Variants in ETF1 observed in about 807,000 individuals in gnomAD.
ETF1 encodes the protein eukaryotic translation termination factor 1, also known as eukaryotic peptide chain release factor subunit 1.
Under a neutral mutation model 55.1 loss-of-function variants are expected in ETF1, and 4 were observed. The ratio of observed to expected loss-of-function variants is 0.07; its 90% CI spans 0.04 to 0.17. The LOEUF (loss-of-function observed/expected upper bound fraction) is 0.17, where lower values mean the gene tolerates loss of function less well. ETF1 is among the 10% of genes least tolerant of loss of function. The pLI is 1.00. For missense variants in ETF1, 142 were observed against 523.6 expected, an observed-to-expected ratio of 0.27 and a Z score of 7.11; for synonymous variants, 157 against 182.3, an observed-to-expected ratio of 0.86 and a Z score of 1.12.
intron 2 of ETF1, chr5:138,541,787 A>T (rs944955765): frequency 3.2e-6 from 2 of 624,458 alleles, no homozygotes; most frequent in Admixed American, 7.6e-5. Context: ...CACTTCCTGT[A>T]AGTAAAAAGT....
chr5:138,537,658 G>A (rs994759914), intron 2 of ETF1, among the ~76,000 whole-genome samples: 1 of 151,932 alleles, frequency 6.6e-6, no homozygotes, highest in Non-Finnish European at 1.5e-5. Context: ...CGCAATCTCG[G>A]CTCACTGCAA....
chr5:138,513,942 T>C (rs1320374317), intron 4 of ETF1: 7 of 905,714 alleles, frequency 7.7e-6, no homozygotes, highest in African/African-American at 1.8e-5. Context: ...TTCAACACAT[T>C]TGACATGGGC....
chr5:138,509,499 C>T (rs534139196), intron 9 of ETF1, among the ~76,000 whole-genome samples: 2 of 152,244 alleles, frequency 1.3e-5, no homozygotes, highest in African/African-American at 2.4e-5. Context: ...TGGTGGGTCA[C>T]GTCTGTAATC....
At chr5:138,535,874 CAAAAAAAAAAAAAAA>C (rs35261297) in intron 2 of ETF1, among the ~76,000 whole-genome samples, 1 of 57,836 alleles carries the variant, frequency 1.7e-5, no homozygotes, top group Non-Finnish European at 2.8e-5. Flanking sequence ...GACTCCGCCT[CAAAAAAAAAAAAAAA>C]AAAAAAAAAA....
At chr5:138,521,378 G>C (rs1765225534) in intron 2 of ETF1, among the ~76,000 whole-genome samples, 1 of 152,144 alleles carries the variant, frequency 6.6e-6, no homozygotes, top group African/African-American at 2.4e-5. Context: ...AAGACGAAAA[G>C]TCCTAGAGAC....
chr5:138,526,917 T>G lies in ETF1; in HGVS notation c.87-8050A>C, dbSNP rs573564762. The stretch of plus-strand genomic sequence containing the variant: ...GGGTTTCACCATGTTAGCCAGGATG[T>G]TCTCGATCTCCCGACCTTGTGATCC... On this transcript the variant is annotated intron_variant, in intron 2 of 10. Coordinates refer to ENST00000360541, the MANE Select transcript of ETF1 (RefSeq NM_004730.4). Among the ~76,000 whole-genome samples the G allele has an allele frequency of 1.8e-4, 28 of 152,180 alleles. No homozygotes were observed. The South Asian group carries it at 5.0e-3, about 27-fold the overall frequency.
chr5:138,534,576 G>T (rs953646887), intron 2 of ETF1, among the ~76,000 whole-genome samples: 2 of 152,224 alleles, frequency 1.3e-5, no homozygotes, highest in African/African-American at 4.8e-5. Context: ...TCTTCCTAGG[G>T]TGGAAATAGC....
rs137883131 is a variant in ETF1 at position 138,539,224 on chromosome 5, T to A, written c.86+3609A>T. ...TCCATTCCTTTGTCACATTCACCACTGTCCCTGGCTAGCACAGGCTCTAGT... is the reference window on the plus strand; with the variant it reads ...TCCATTCCTTTGTCACATTCACCACAGTCCCTGGCTAGCACAGGCTCTAGT... On this transcript the variant is annotated intron_variant, in intron 2 of 10. Coordinates refer to ENST00000360541, the MANE Select transcript of ETF1 (RefSeq NM_004730.4). 5.7e-3 allele frequency among the ~76,000 whole-genome samples: 861 copies of A among 152,354 alleles called. 7 individuals are homozygous for A. Among genetic ancestry groups the A allele is most frequent in the African/African-American group, 0.019 (803 of 41,584 alleles).
intron 2 of ETF1, among the ~76,000 whole-genome samples, chr5:138,540,172 A>C (rs1033009725): frequency 2.0e-5 from 3 of 152,202 alleles, no homozygotes; most frequent in African/African-American, 7.2e-5. Context: ...ATATTTTAAT[A>C]ACTACTGTTA....
At position 138,511,619 on chromosome 5, in the gene ETF1, A is replaced by G; in HGVS notation, c.733-15T>C. On this transcript the variant is annotated splice_polypyrimidine_tract_variant and intron_variant, in intron 6 of 10. Coordinates refer to ENST00000360541, the MANE Select transcript of ETF1 (RefSeq NM_004730.4). ...GATTGTAACCTCTAACACACAAAAA[A>G]AATATTATTAGTACTTACTGGTACT... is the stretch of plus-strand genomic sequence containing the variant. The G allele has an allele frequency of 1.9e-6, 3 of 1,591,036 alleles. No homozygotes were observed.
intron 5 of ETF1, 140 bp downstream of exon 5, chr5:138,513,428 A>T (rs1764894846): frequency 1.2e-6 from 1 of 807,550 alleles, no homozygotes; most frequent in African/African-American, 1.7e-5. Context: ...CTGGTCTCGA[A>T]CTTCTGACTT....
chr5:138,523,518 G>A (rs1033930762), intron 2 of ETF1, among the ~76,000 whole-genome samples: 2 of 152,116 alleles, frequency 1.3e-5, no homozygotes, highest in Non-Finnish European at 2.9e-5. Flanking sequence ...TGACAACAGA[G>A]TGAAACTGTC....
intron 2 of ETF1, among the ~76,000 whole-genome samples, chr5:138,530,340 G>C (rs1016078667): frequency 6.6e-6 from 1 of 152,078 alleles, no homozygotes; most frequent in African/African-American, 2.4e-5. Flanking sequence ...GTGCAGTGGT[G>C]TGATCTCGGC....
intron 2 of ETF1, among the ~76,000 whole-genome samples, chr5:138,523,543 AC>A (rs1365107652): frequency 1.9e-4 from 29 of 152,264 alleles, no homozygotes; most frequent in East Asian, 1.2e-3. Flanking sequence ...AACAAAAAAA[AC>A]ACCACATATT....
Position 138,511,518 on chromosome 5 carries a change from T to G in ETF1, c.819A>C (p.Glu273Asp). 6.2e-7 allele frequency: 1 copy of G among 1,613,748 alleles called. No individual in the cohort carries two copies. The highest frequency in any genetic ancestry group is 8.5e-7 in the Non-Finnish European group (1 of 1,179,890). The change falls in exon 7 of 11, where the codon GAA (glutamate) becomes GAC (aspartate). Residue 273 changes from glutamate to aspartate, a missense_variant. Physicochemically the swap from Glu to Asp is conservative, Grantham distance 45 (BLOSUM62 2). This residue lies in a region of ETF1 where 82 missense variants were observed against 232.9 expected (regional missense o/e 0.35). Coordinates refer to ENST00000360541, the MANE Select transcript of ETF1 (RefSeq NM_004730.4). ...GAATGAATTTCACGTTGGAGAGGAC[T>G]TCAGTAGATAACTCAATAGCTTGGT... is the stretch of plus-strand genomic sequence containing the variant. ...GFNQAIELSTEVLSNVKFIQE... is the reference protein window; with the variant it reads ...GFNQAIELSTDVLSNVKFIQE...
chr5:138,541,646 C>T lies in ETF1; in HGVS notation c.86+1187G>A, dbSNP rs746892310. 420 of 1,515,956 alleles carry T rather than the reference C, an allele frequency of 2.8e-4. 1 individual carries two copies. Among genetic ancestry groups the T allele is most frequent in the Non-Finnish European group, 3.4e-4 (391 of 1,137,170 alleles). The allele number at this position is 1,515,956 out of a possible 1,614,324, so 93.9% of individuals were successfully genotyped here. A position where few individuals can be genotyped will look rare whatever the true frequency, so the allele number is the denominator to read the frequency against. On this transcript the variant is annotated intron_variant, in intron 2 of 10. Transcript: ENST00000360541. ...ATAAATGACAATCCTGGGCTGGAAACCAGAATGTCAAATTCTTGTGCTGAA... is the reference window on the plus strand; with the variant it reads ...ATAAATGACAATCCTGGGCTGGAAATCAGAATGTCAAATTCTTGTGCTGAA...
chr5:138,510,511 AAC>A, intron 9 of ETF1, 52 bp downstream of exon 9: 1 of 1,393,904 alleles, frequency 7.2e-7, no homozygotes, highest in Non-Finnish European at 1.0e-6. Flanking sequence ...CCAGTACTCT[AAC>A]ACACGGATTT....
chr5:138,541,552 T>C, intron 2 of ETF1: 1 of 1,535,424 alleles, frequency 6.5e-7, no homozygotes, highest in Non-Finnish European at 8.7e-7. Context: ...ATTAAGCACA[T>C]CCTGTTTCAT....
chr5:138,524,780 G>C (rs1396983011), intron 2 of ETF1, among the ~76,000 whole-genome samples: 1 of 151,890 alleles, frequency 6.6e-6, no homozygotes, highest in Non-Finnish European at 1.5e-5. Flanking sequence ...GTTTCACCAT[G>C]TTGGCCAGGA....
Sources: gnomAD v4.1 joint callset for allele counts (sites outside exome capture counted in the v4.1 genomes callset) on GRCh38, gnomAD v4.1.1 for gene constraint, gnomAD v4.1.1 regional missense constraint, MANE v1.5 for transcripts, NCBI Gene and HGNC (gene_info 2026-07-23, HGNC 2026-07-21) for gene names.